CACNA1D: variants seen among roughly 807,000 people sequenced by gnomAD.
The protein encoded by CACNA1D is voltage-dependent L-type calcium channel subunit alpha-1D.
CACNA1D carries 55 observed loss-of-function variants against 257.1 expected under a neutral mutation model. That is an observed-to-expected ratio of 0.21 (90% CI 0.17 to 0.27). The LOEUF is 0.27. CACNA1D is among the 10% of genes least tolerant of loss of function. CACNA1D has a pLI of 1.00. For synonymous variants in CACNA1D, 980 were observed against 1,014.9 expected, an observed-to-expected ratio of 0.97 and a Z score of 0.65; for missense variants, 1,876 against 2,784.0, an observed-to-expected ratio of 0.67 and a Z score of 7.34.
intron 47 of CACNA1D, 196 bp downstream of exon 47, chr3:53,810,494 C>G: frequency 3.1e-6 from 2 of 642,706 alleles, no homozygotes; most frequent in Non-Finnish European, 5.6e-6. Flanking sequence ...CAGTGGCTTA[C>G]GTCTGTAATC....
intron 3 of CACNA1D, among the ~76,000 whole-genome samples, chr3:53,635,942 G>A (rs903825836): frequency 6.6e-6 from 1 of 152,106 alleles, no homozygotes; most frequent in African/African-American, 2.4e-5. Flanking sequence ...GACTGTCCTT[G>A]CTCTAGAAAC....
intron 32 of CACNA1D, among the ~76,000 whole-genome samples, chr3:53,772,087 G>C (rs529631993): frequency 1.3e-5 from 2 of 152,350 alleles, no homozygotes; most frequent in East Asian, 3.9e-4. Flanking sequence ...GGTCACATGT[G>C]ATGAGGTAAG....
At chr3:53,538,152 T>G (rs1214709345) in intron 3 of CACNA1D, among the ~76,000 whole-genome samples, 4 of 141,620 alleles carry the variant, frequency 2.8e-5, no homozygotes, top group Non-Finnish European at 4.6e-5. Flanking sequence ...TTTTTTTTTT[T>G]TTTTTTTTTT....
chr3:53,704,326 G>T (rs1050121689), intron 9 of CACNA1D, among the ~76,000 whole-genome samples: 7 of 152,150 alleles, frequency 4.6e-5, no homozygotes, highest in African/African-American at 1.7e-4. Context: ...TGCTGACTGG[G>T]AGTGGGCAGG....
chr3:53,602,907 C>T (rs1368463256), intron 3 of CACNA1D, among the ~76,000 whole-genome samples: 1 of 152,188 alleles, frequency 6.6e-6, no homozygotes, highest in Non-Finnish European at 1.5e-5. Context: ...ATTACCTATT[C>T]ACTTTGTTGA....
chr3:53,519,114 T>C (rs1455103998), intron 3 of CACNA1D, among the ~76,000 whole-genome samples: 1 of 152,202 alleles, frequency 6.6e-6, no homozygotes, highest in Admixed American at 6.5e-5. Flanking sequence ...ATTTTCCTGT[T>C]ACCTCAGAGT....
intron 8 of CACNA1D, among the ~76,000 whole-genome samples, chr3:53,693,657 G>A (rs1013215371): frequency 6.6e-5 from 10 of 152,164 alleles, no homozygotes; most frequent in African/African-American, 2.4e-4. Flanking sequence ...ATAAAAATCA[G>A]TGGGTTACTT....
intron 9 of CACNA1D, among the ~76,000 whole-genome samples, chr3:53,712,912 T>C (rs541992997): frequency 6.6e-6 from 1 of 152,312 alleles, no homozygotes; most frequent in East Asian, 1.9e-4. Flanking sequence ...CTCAGTTTGA[T>C]GTGTGGCAAG....
At chr3:53,589,456 G>A (rs989863156) in intron 3 of CACNA1D, among the ~76,000 whole-genome samples, 1 of 152,124 alleles carries the variant, frequency 6.6e-6, no homozygotes. Flanking sequence ...GTGCTGTGAG[G>A]CAGGACTGAG....
At chr3:53,545,546 CATAGT>C (rs1260403715) in intron 3 of CACNA1D, among the ~76,000 whole-genome samples, 2 of 152,176 alleles carry the variant, frequency 1.3e-5, no homozygotes, top group Admixed American at 6.5e-5. Flanking sequence ...CCAGGACTGT[CATAGT>C]AGAGCAGTAA....
At chr3:53,777,682 C>T (rs1019685213) in intron 37 of CACNA1D, among the ~76,000 whole-genome samples, 2 of 152,072 alleles carry the variant, frequency 1.3e-5, no homozygotes, top group African/African-American at 4.8e-5. Context: ...TTGTGGCCAC[C>T]ACAGGAAATG....
intron 9 of CACNA1D, among the ~76,000 whole-genome samples, chr3:53,708,659 A>C (rs978791250): frequency 5.9e-5 from 9 of 152,254 alleles, no homozygotes; most frequent in African/African-American, 2.2e-4. Context: ...CCAAGTTTGC[A>C]GTCTCAAATC....
chr3:53,675,043 G>A (rs901764989), intron 8 of CACNA1D, among the ~76,000 whole-genome samples: 2 of 152,130 alleles, frequency 1.3e-5, no homozygotes, highest in African/African-American at 2.4e-5. Flanking sequence ...TATCCATCTC[G>A]GCTTCCTTTC....
At chr3:53,508,801 C>T (rs139591594) in intron 3 of CACNA1D, among the ~76,000 whole-genome samples, 8 of 152,266 alleles carry the variant, frequency 5.3e-5, no homozygotes, top group South Asian at 4.1e-4. Flanking sequence ...GGTGGGGACA[C>T]GCCCCAACAG....
chr3:53,762,891 A>G (rs1165280575), intron 30 of CACNA1D, among the ~76,000 whole-genome samples: 2 of 152,250 alleles, frequency 1.3e-5, no homozygotes, highest in Non-Finnish European at 2.9e-5. Context: ...AATTAAAGTT[A>G]TAAGGGCTGG....
intron 19 of CACNA1D, among the ~76,000 whole-genome samples, chr3:53,734,612 G>A (rs1261313641): frequency 6.6e-6 from 1 of 152,092 alleles, no homozygotes; most frequent in Non-Finnish European, 1.5e-5. Flanking sequence ...TGATGGCCCA[G>A]AGAGCCATCG....
intron 3 of CACNA1D, among the ~76,000 whole-genome samples, chr3:53,553,320 T>C (rs748045181): frequency 5.9e-5 from 9 of 152,180 alleles, no homozygotes; most frequent in Admixed American, 1.3e-4. Context: ...AAAAAATGTG[T>C]TTATGCTGTT....
chr3:53,724,676 G>A (rs7649275), intron 14 of CACNA1D, among the ~76,000 whole-genome samples: 134,007 of 152,258 alleles, frequency 0.88, 59,095 homozygotes, highest in East Asian at 1. Context: ...GGTCTGATGG[G>A]GAAGTTTAAA....
intron 34 of CACNA1D, among the ~76,000 whole-genome samples, chr3:53,775,141 TAGTG>T (rs575482378): frequency 9.2e-5 from 14 of 152,250 alleles, no homozygotes; most frequent in Non-Finnish European, 2.1e-4. Flanking sequence ...GCTGCCCTCA[TAGTG>T]AGAAAACTTT....
Sources: gnomAD v4.1 joint callset for allele counts (sites outside exome capture counted in the v4.1 genomes callset) on GRCh38, gnomAD v4.1.1 for gene constraint, MANE v1.5 for transcripts, NCBI Gene and HGNC (gene_info 2026-07-23, HGNC 2026-07-21) for gene names.